BCR: variants seen among roughly 807,000 people sequenced by gnomAD.
BCR encodes breakpoint cluster region protein.
BCR carries 58 observed loss-of-function variants against 138.6 expected under a neutral mutation model. The observed-to-expected ratio is 0.42, with a 90% CI of 0.34 to 0.52. BCR has a LOEUF of 0.52. Ranked by LOEUF, BCR falls within the 20% of genes least tolerant of loss-of-function variation. The pLI, the probability that BCR is intolerant of heterozygous loss-of-function variation, is 0.06. For synonymous variants in BCR, 786 were observed against 730.1 expected (o/e 1.08, Z -1.23); for missense variants, 1,599 against 1,727.2 (o/e 0.93, Z 1.32).
At chr22:23,231,378 C>T (rs1482761128) in intron 1 of BCR, among the ~76,000 whole-genome samples, 2 of 151,874 alleles carry the variant, frequency 1.3e-5, no homozygotes, top group African/African-American at 2.4e-5. Context: ...TGGTAGTGCA[C>T]GCCTGTAGTC....
intron 4 of BCR, among the ~76,000 whole-genome samples, chr22:23,265,872 A>G (rs1602082379): frequency 6.6e-6 from 1 of 152,264 alleles, no homozygotes. Flanking sequence ...TGTCAAATTC[A>G]GGAAATTTCA....
chr22:23,295,129 A>G lies in BCR; in HGVS notation c.2986A>G (p.Arg996Gly). ...CAAGGAGGACGGCGAGAGCACGGAC[A>G]GACTCATGGGGAAGGGCCAGGTCCA... Reference protein sequence around the residue: ...IPKEDGESTDRLMGKGQVQLD... With the variant: ...IPKEDGESTDGLMGKGQVQLD... The change falls in exon 16 of 23, where the codon AGA becomes GGA. Residue 996 changes from arginine (R) to glycine (G), a missense_variant. By Grantham distance (125) the Arg-to-Gly change is moderately radical. Transcript: ENST00000305877. The G allele has an allele frequency of 6.2e-7, 1 of 1,614,106 alleles. No homozygotes were observed. Among genetic ancestry groups the G allele is most frequent in the East Asian group, 2.2e-5 (1 of 44,866 alleles).
At chr22:23,299,391 C>T (rs968670505) in intron 16 of BCR, among the ~76,000 whole-genome samples, 1 of 152,230 alleles carries the variant, frequency 6.6e-6, no homozygotes, top group Non-Finnish European at 1.5e-5. Context: ...ACAGACCCCC[C>T]TGCACGGGTG....
At chr22:23,184,140 A>G (rs1356348002) in intron 1 of BCR, among the ~76,000 whole-genome samples, 2 of 152,188 alleles carry the variant, frequency 1.3e-5, no homozygotes, top group African/African-American at 4.8e-5. Flanking sequence ...CCAGGTTGGA[A>G]TGCAGTAGTA....
At chr22:23,196,489 C>T (rs1359784460) in intron 1 of BCR, among the ~76,000 whole-genome samples, 3 of 152,110 alleles carry the variant, frequency 2.0e-5, no homozygotes, top group Admixed American at 6.5e-5. Flanking sequence ...GGCAAGAACT[C>T]GGAGGCTTGA....
At chr22:23,220,022 G>A (rs1235675607) in intron 1 of BCR, among the ~76,000 whole-genome samples, 1 of 152,178 alleles carries the variant, frequency 6.6e-6, no homozygotes, top group Non-Finnish European at 1.5e-5. Context: ...GGCCCCTTGG[G>A]GCTGGCTGGT....
chr22:23,255,660 A>C (rs2073285556), intron 2 of BCR, among the ~76,000 whole-genome samples: 1 of 152,176 alleles, frequency 6.6e-6, no homozygotes, highest in Non-Finnish European at 1.5e-5. Context: ...TCAGTGCCCC[A>C]GTCCCTGTCC....
At chr22:23,314,268 A>G (rs2074041959) in intron 21 of BCR, among the ~76,000 whole-genome samples, 195 bp downstream of exon 21, 1 of 152,082 alleles carries the variant, frequency 6.6e-6, no homozygotes, top group Admixed American at 6.5e-5. Flanking sequence ...CTCTCTCTGC[A>G]CTGTGGCCTT....
chr22:23,236,607 G>A (rs2073028283), intron 1 of BCR, among the ~76,000 whole-genome samples: 1 of 152,264 alleles, frequency 6.6e-6, no homozygotes, highest in Admixed American at 6.5e-5. Context: ...CATGTGGGCA[G>A]AGCCCAGTGG....
chr22:23,207,117 A>G (rs1232171475), intron 1 of BCR, among the ~76,000 whole-genome samples: 1 of 152,108 alleles, frequency 6.6e-6, no homozygotes, highest in Non-Finnish European at 1.5e-5. Context: ...CCAACCATTC[A>G]TCTGTTCATT....
intron 1 of BCR, among the ~76,000 whole-genome samples, chr22:23,218,173 T>C (rs575167961): frequency 6.6e-6 from 1 of 152,326 alleles, no homozygotes; most frequent in African/African-American, 2.4e-5. Flanking sequence ...GTTTGTGCTC[T>C]GACCTGACCC....
At chr22:23,196,211 G>C (rs2072479621) in intron 1 of BCR, among the ~76,000 whole-genome samples, 1 of 152,212 alleles carries the variant, frequency 6.6e-6, no homozygotes, top group Non-Finnish European at 1.5e-5. Flanking sequence ...ATCTTCAGGA[G>C]GGGTTTTTTC....
At chr22:23,297,226 T>G (rs1020351138) in intron 16 of BCR, among the ~76,000 whole-genome samples, 3 of 142,430 alleles carry the variant, frequency 2.1e-5, no homozygotes, top group Non-Finnish European at 3.1e-5. Context: ...TTTTTGTTTT[T>G]TTTTTTTTTT....
At chr22:23,182,649 C>T (rs767626238) in intron 1 of BCR, among the ~76,000 whole-genome samples, 1 of 152,176 alleles carries the variant, frequency 6.6e-6, no homozygotes, top group Non-Finnish European at 1.5e-5. Flanking sequence ...ATGCTGTTAG[C>T]AGGGACTGAT....
At chr22:23,254,261 G>A (rs1381274895) in intron 2 of BCR, among the ~76,000 whole-genome samples, 1 of 152,148 alleles carries the variant, frequency 6.6e-6, no homozygotes, top group Non-Finnish European at 1.5e-5. Flanking sequence ...CCACCACCAA[G>A]ACCTGCGTGG....
intron 1 of BCR, among the ~76,000 whole-genome samples, chr22:23,239,744 T>C (rs767816765): frequency 9.9e-5 from 15 of 152,222 alleles, no homozygotes; most frequent in Non-Finnish European, 2.1e-4. Flanking sequence ...TGGATCCTTA[T>C]AGGTGGCAGT....
chr22:23,304,724 G>A (rs1350662480), intron 16 of BCR, among the ~76,000 whole-genome samples: 2 of 152,196 alleles, frequency 1.3e-5, no homozygotes, highest in African/African-American at 2.4e-5. Context: ...CATCCTCACC[G>A]ATGCTGGTTA....
rs1295604902 is a variant in BCR at position 23,253,998 on chromosome 22, A to G, written c.1461+18A>G. 2 of 1,597,520 alleles carry G rather than the reference A, an allele frequency of 1.3e-6. No homozygotes were observed. The highest frequency in any genetic ancestry group is 2.2e-5 in the East Asian group (1 of 44,562). ...CTAAAGCGGTGAGTCCCCATGGTGT[A>G]CGTGTGGCAGGAGGGCCAGGTGAGG... On this transcript the variant is annotated intron_variant, in intron 2 of 22. Coordinates refer to ENST00000305877, the MANE Select transcript of BCR (RefSeq NM_004327.4).
In BCR at chr22:23,273,640, C is replaced by A. The variant is rs764958780; in HGVS notation, c.1981C>A (p.Leu661Met). The A allele has an allele frequency of 6.2e-7, 1 of 1,613,690 alleles. No homozygotes were observed. The highest frequency in any genetic ancestry group is 1.1e-5 in the South Asian group (1 of 91,080). Reference sequence around the variant, plus strand: ...GTCTTTCTTCCTGGGGCAGGACTTGCTGAAGCACACTCCTGCCAGCCACCC... The same window carrying A: ...GTCTTTCTTCCTGGGGCAGGACTTGATGAAGCACACTCCTGCCAGCCACCC... Reference protein sequence around the residue: ...TRSTLVLHDLLKHTPASHPDH... With the variant: ...TRSTLVLHDLMKHTPASHPDH... The change falls in exon 8 of 23, where the codon CTG becomes ATG. Residue 661 changes from leucine (L) to methionine (M), a missense_variant. By Grantham distance (15) the Leu-to-Met change is conservative. This residue lies in a region of BCR where 590 missense variants were observed against 762.4 expected (regional missense o/e 0.77). Coordinates refer to ENST00000305877, the MANE Select transcript of BCR (RefSeq NM_004327.4).
Sources: gnomAD v4.1 joint callset for allele counts (sites outside exome capture counted in the v4.1 genomes callset) on GRCh38, gnomAD v4.1.1 for gene constraint, gnomAD v4.1.1 regional missense constraint, MANE v1.5 for transcripts, NCBI Gene and HGNC (gene_info 2026-07-23, HGNC 2026-07-21) for gene names.